CLSPN: variants seen among roughly 807,000 people sequenced by gnomAD.
The protein encoded by CLSPN is claspin, also known as claspin homolog.
CLSPN carries 85 observed loss-of-function variants against 156.3 expected under a neutral mutation model. That is an observed-to-expected ratio of 0.54 (90% CI 0.46 to 0.65). The LOEUF (loss-of-function observed/expected upper bound fraction) is 0.65. Among genes scored for constraint, CLSPN ranks in the 30% least tolerant of loss-of-function variants. The probability of loss-of-function intolerance (pLI) is 0.00; values close to 1 mark genes in which losing one functional copy is unlikely to be tolerated. For synonymous variants in CLSPN, 534 were observed against 542.4 expected (o/e 0.98, Z 0.22); for missense variants, 1,407 against 1,554.9 (o/e 0.90, Z 1.60).
In CLSPN at chr1:35,734,978, T is replaced by C. The variant is rs1360063028; in HGVS notation, c.*1518A>G. ...GGAGAATGATGGCAATTCTCTTCAA[T>C]AATATTTTTATTAAATTCCATGGTG... On this transcript the variant is annotated 3_prime_UTR_variant, in exon 25 of 25. Transcript: ENST00000318121. 2 of 985,284 alleles carry C rather than the reference T, an allele frequency of 2.0e-6. No individual in the cohort carries two copies. Among genetic ancestry groups the C allele is most frequent in the Non-Finnish European group, 2.4e-6 (2 of 829,882 alleles). 61.0% of individuals were successfully genotyped at this position (985,284 alleles called of 1,614,324 possible).
chr1:35,752,585 A>G (rs1225709365), intron 9 of CLSPN, among the ~76,000 whole-genome samples: 12 of 126,834 alleles, frequency 9.5e-5, no homozygotes, highest in Admixed American at 9.2e-4. Flanking sequence ...CTTAGAGGAA[A>G]AAAAAAAAAA....
In CLSPN at chr1:35,739,135, C is replaced by A. The variant is rs1641596720; in HGVS notation, c.3430+1G>T. 1 of 1,614,050 alleles carries A rather than the reference C, an allele frequency of 6.2e-7. No individual in the cohort carries two copies. Among genetic ancestry groups the A allele is most frequent in the Non-Finnish European group, 8.5e-7 (1 of 1,180,026 alleles). On this transcript the variant is annotated splice_donor_variant, in intron 20 of 24. Coordinates refer to ENST00000318121, the MANE Select transcript of CLSPN (RefSeq NM_022111.4). LOFTEE classifies it high-confidence loss of function. Reference sequence around the variant, plus strand: ...GCTTTTAAAGACAACAACCAAGATACCTATGTTTTTCCATCGAAACTTCCT... The same window carrying A: ...GCTTTTAAAGACAACAACCAAGATAACTATGTTTTTCCATCGAAACTTCCT...
Position 35,739,352 on chromosome 1 carries a change from T to A in CLSPN, c.3308+13A>T. ...GTACCCTATTACTCAGAAGGGCTTA[T>A]TGGGATACTGACATGTGTATTTTCT... On this transcript the variant is annotated intron_variant, in intron 19 of 24. Transcript: ENST00000318121. 6.2e-7 allele frequency: 1 copy of A among 1,613,970 alleles called. No individual in the cohort carries two copies. The highest frequency in any genetic ancestry group is 1.1e-5 in the South Asian group (1 of 91,042).
intron 16 of CLSPN, 168 bp from the exon 17 acceptor site, chr1:35,743,698 A>G (rs2148616194): frequency 1.7e-6 from 1 of 591,044 alleles, no homozygotes; most frequent in East Asian, 2.8e-5. Flanking sequence ...ATCTCAGCTC[A>G]CTGTAACCTC....
downstream of CLSPN, among the ~76,000 whole-genome samples, chr1:35,731,797 C>A (rs773257920): frequency 7.9e-5 from 12 of 152,086 alleles, no homozygotes; most frequent in Non-Finnish European, 1.6e-4. Flanking sequence ...TATGGAGGTA[C>A]CTTTTACTGA....
downstream of CLSPN, among the ~76,000 whole-genome samples, chr1:35,727,634 T>C (rs1196265503): frequency 6.6e-6 from 1 of 152,234 alleles, no homozygotes; most frequent in East Asian, 1.9e-4. Flanking sequence ...GCACTGATCC[T>C]TGGAAACGGT....
rs201162101 is a variant in CLSPN, at chr1:35,748,529, A to C, written c.2348T>G (p.Ile783Ser). The C allele has an allele frequency of 9.1e-5, 147 of 1,614,004 alleles. No individual in the cohort carries two copies. Among genetic ancestry groups the C allele is most frequent in the Middle Eastern group, 1.6e-4 (1 of 6,084 alleles). The change falls in exon 13 of 25, where the codon ATT becomes AGT. Residue 783 changes from isoleucine (I) to serine (S), a missense_variant. Around this residue, in one of 3 missense-constraint regions of CLSPN, gnomAD observed 1,096 missense variants for 1,193.0 expected, o/e 0.92. Coordinates refer to ENST00000318121, the MANE Select transcript of CLSPN (RefSeq NM_022111.4). ...NSSFELIGST[I>S]PSYQPCNRQT... is the part of the protein sequence containing the mutation. The stretch of plus-strand genomic sequence containing the variant: ...TCTGTTGCAAGGCTGATAGGATGGA[A>C]TCGTGGAGCCAATCAGCTCAAAGCT...
rs777109534 is a variant in CLSPN, at chr1:35,769,907, CTG to C, written c.-39_-38del. ...CCCCTGCGCTCCACTAGGGACGGAG[CTG>C]TCTCTGATTCCCTCAGCCGGAGAGC... On this transcript the variant is annotated 5_prime_UTR_variant, in exon 1 of 25. Transcript: ENST00000318121. 1.2e-6 allele frequency: 2 copies of C among 1,606,776 alleles called. No homozygotes were observed. The highest frequency in any genetic ancestry group is 1.7e-6 in the Non-Finnish European group (2 of 1,176,456).
chr1:35,739,422 A>G lies in CLSPN; in HGVS notation c.3251T>C (p.Ile1084Thr). 6.2e-7 allele frequency: 1 copy of G among 1,614,038 alleles called. No individual in the cohort carries two copies. The highest frequency in any genetic ancestry group is 8.5e-7 in the Non-Finnish European group (1 of 1,180,012). ...CTCATCAGAAGGAAGTACTTCATCA[A>G]TTACGTCCTCTTCATATTCATCAAT... is the stretch of plus-strand genomic sequence containing the variant. Reference protein sequence around the residue: ...EEIDEYEEDVIDEVLPSDEEL... With the variant: ...EEIDEYEEDVTDEVLPSDEEL... The change falls in exon 19 of 25, where the codon ATT (isoleucine) becomes ACT (threonine). Residue 1084 changes from isoleucine to threonine, a missense_variant. By Grantham distance (89) the Ile-to-Thr change is moderately conservative. Transcript: ENST00000318121.
At chr1:35,755,638 C>G in intron 8 of CLSPN, among the ~76,000 whole-genome samples, 1 of 152,070 alleles carries the variant, frequency 6.6e-6, no homozygotes, top group East Asian at 1.9e-4. Flanking sequence ...AACTCCTGGA[C>G]TGAAATGATC....
At chr1:35,742,658 C>T (rs1369625112) in intron 18 of CLSPN, among the ~76,000 whole-genome samples, 1 of 151,840 alleles carries the variant, frequency 6.6e-6, no homozygotes, top group Non-Finnish European at 1.5e-5. Context: ...GGATTACAGG[C>T]GTGAGCCACT....
intron 24 of CLSPN, among the ~76,000 whole-genome samples, chr1:35,721,323 C>A (rs1641068292): frequency 6.6e-6 from 1 of 152,160 alleles, no homozygotes; most frequent in Non-Finnish European, 1.5e-5. Context: ...GAGCCGAAAT[C>A]CCAGGGAATC....
Position 35,746,870 on chromosome 1 carries a change from C to G in CLSPN, c.2750G>C (p.Gly917Ala), listed in dbSNP as rs750751444. Residue 917 changes from glycine to alanine, a missense_variant, in exon 15 of 25, where the codon GGA (glycine) becomes GCA (alanine). Coordinates refer to ENST00000318121, the MANE Select transcript of CLSPN (RefSeq NM_022111.4). The surrounding 1 kb of genome is among the most constrained non-coding windows in gnomAD (Gnocchi z 4.2). ...TTTTTCAGCCTGAGATGTGAACTTT[C>G]CAGTACACAAATCCAACAGCTCATC... The part of the protein sequence containing the change: ...NMDELLDLCT[G>A]KFTSQAEKHL... The G allele has an allele frequency of 1.2e-6, 2 of 1,613,314 alleles. No individual in the cohort carries two copies. Among genetic ancestry groups the G allele is most frequent in the Non-Finnish European group, 1.7e-6 (2 of 1,179,256 alleles).
chr1:35,725,548 TCTC>T (rs1375951946), intron 24 of CLSPN, among the ~76,000 whole-genome samples: 1 of 99,734 alleles, frequency 1.0e-5, no homozygotes, highest in African/African-American at 3.6e-5. Context: ...GCCGCCCACC[TCTC>T]CTCCACCCAC....
downstream of CLSPN, among the ~76,000 whole-genome samples, chr1:35,731,007 C>A (rs559763319): frequency 6.6e-6 from 1 of 152,052 alleles, no homozygotes; most frequent in South Asian, 2.1e-4. Flanking sequence ...CGAGACCAGC[C>A]TGACCAACAT....
chr1:35,766,905 C>T (rs1352124423), intron 1 of CLSPN, among the ~76,000 whole-genome samples: 1 of 151,600 alleles, frequency 6.6e-6, no homozygotes, highest in African/African-American at 2.4e-5. Flanking sequence ...CAGGTGCGTG[C>T]CACCATGCCC....
Position 35,764,271 on chromosome 1 carries a change from T to G in CLSPN, c.577A>C (p.Asn193His). Residue 193 changes from asparagine (N) to histidine (H), a missense_variant, in exon 3 of 25, where the codon AAC becomes CAC. Physicochemically the swap from Asn to His is moderately conservative, Grantham distance 68. This residue lies in a region of CLSPN where 1,096 missense variants were observed against 1,193.0 expected (regional missense o/e 0.92). Transcript: ENST00000318121. ...IRQLKKKETK[N>H]QEDDVEQPFN... is the part of the protein sequence containing the mutation. Reference sequence around the variant, plus strand: ...AATTATTCTTTAAAATGTACCTGGTTTTTTGTTTCCTTCTTTTTTAGCTGT... The same window carrying G: ...AATTATTCTTTAAAATGTACCTGGTGTTTTGTTTCCTTCTTTTTTAGCTGT... 1.3e-6 allele frequency: 2 copies of G among 1,552,716 alleles called. No individual in the cohort carries two copies. Among genetic ancestry groups the G allele is most frequent in the Non-Finnish European group, 1.7e-6 (2 of 1,153,294 alleles).
intron 18 of CLSPN, among the ~76,000 whole-genome samples, chr1:35,740,710 C>T (rs1237533208): frequency 1.3e-5 from 2 of 152,140 alleles, no homozygotes; most frequent in Admixed American, 6.5e-5. Context: ...TGAGCCACCA[C>T]GCCCAGCCTA....
downstream of CLSPN, among the ~76,000 whole-genome samples, chr1:35,731,300 G>C (rs1641312074): frequency 1.3e-5 from 2 of 152,088 alleles, no homozygotes; most frequent in South Asian, 2.1e-4. Context: ...TGAGAATTAT[G>C]CATTAGTCAG....
Sources: allele counts gnomAD v4.1 joint callset (sites outside exome capture counted in the v4.1 genomes callset), GRCh38; gene constraint gnomAD v4.1.1; regional missense constraint gnomAD v4.1.1; non-coding constraint Gnocchi (gnomAD v3.1); transcripts MANE v1.5; gene names NCBI Gene and HGNC (gene_info 2026-07-23, HGNC 2026-07-21).